MYCT1: variants seen among roughly 807,000 people sequenced by gnomAD.
MYCT1 encodes myc target protein 1.
MYCT1 carries 12 observed loss-of-function variants against 15.0 expected under a neutral mutation model. The observed-to-expected ratio is 0.80, with a 90% CI of 0.51 to 1.29. The LOEUF is 1.29. MYCT1 is among the 50% of genes most tolerant of loss of function. MYCT1 has a pLI of 0.00. For missense variants in MYCT1, 287 were observed against 279.1 expected (o/e 1.03, Z -0.20); for synonymous variants, 104 against 102.7 (o/e 1.01, Z -0.07).
At chr6:152,727,152 C>T (rs9371265), downstream of MYCT1, among the ~76,000 whole-genome samples, 2 of 149,518 alleles carry the variant, frequency 1.3e-5, no homozygotes, top group African/African-American at 2.5e-5. Flanking sequence ...CAGAGGTTGC[C>T]GTGAGCCGAG....
chr6:152,744,785 TC>T, the MYCT1 span, among the ~76,000 whole-genome samples: 1 of 152,086 alleles, frequency 6.6e-6, no homozygotes, highest in Non-Finnish European at 1.5e-5. Flanking sequence ...AGGTCAGCCT[TC>T]AAGGAAATAG....
intron 1 of MYCT1, among the ~76,000 whole-genome samples, chr6:152,712,787 T>C (rs891163410): frequency 6.6e-6 from 1 of 152,124 alleles, no homozygotes; most frequent in Non-Finnish European, 1.5e-5. Context: ...TTTAAATAAT[T>C]GTCTTTTATG....
At chr6:152,720,641 A>C (rs2099724538) in intron 1 of MYCT1, among the ~76,000 whole-genome samples, 1 of 152,210 alleles carries the variant, frequency 6.6e-6, no homozygotes, top group South Asian at 2.1e-4. Flanking sequence ...AAGCTTAAAA[A>C]ATTGAATTCA....
At chr6:152,719,979 A>C in intron 1 of MYCT1, among the ~76,000 whole-genome samples, 1 of 152,200 alleles carries the variant, frequency 6.6e-6, no homozygotes, top group African/African-American at 2.4e-5. Flanking sequence ...CAAACATAGT[A>C]GCTTAAACTA....
rs143346295 is a variant in MYCT1, at chr6:152,705,310, T to A, written c.196+7212T>A. Among the ~76,000 whole-genome samples the A allele has an allele frequency of 1.1e-3, 163 of 152,272 alleles. 5 individuals carry two copies. The East Asian group carries it at 0.029, about 27-fold the overall frequency. ...TTATTAAAAAATGTTAAATAGCTCA[T>A]GTAGTTTGTTGAACGCTATACTGAA... is the stretch of plus-strand genomic sequence containing the variant. On this transcript the variant is annotated intron_variant, in intron 1 of 1. Coordinates refer to ENST00000367245, the MANE Select transcript of MYCT1 (RefSeq NM_025107.3).
chr6:152,706,873 G>A (rs572666641), intron 1 of MYCT1, among the ~76,000 whole-genome samples: 1 of 148,248 alleles, frequency 6.7e-6, no homozygotes, highest in Non-Finnish European at 1.5e-5. Context: ...GTGTGTGTGT[G>A]TATGCATATA....
At chr6:152,706,041 G>A in intron 1 of MYCT1, 1 of 1,129,074 alleles carries the variant, frequency 8.9e-7, no homozygotes, top group South Asian at 1.2e-5. Flanking sequence ...AGAAATTGTA[G>A]TCACAAAAAT....
the MYCT1 span, among the ~76,000 whole-genome samples, chr6:152,730,450 C>T: frequency 1.3e-5 from 2 of 152,246 alleles, no homozygotes; most frequent in Admixed American, 1.3e-4. Context: ...TTTTTGCGTG[C>T]CATCCATTAT....
At chr6:152,735,421 C>G in the MYCT1 span, among the ~76,000 whole-genome samples, 133 of 150,970 alleles carry the variant, frequency 8.8e-4, no homozygotes, top group African/African-American at 3.2e-3. Context: ...CTAGTAGATA[C>G]TTTTTATTAT....
the MYCT1 span, among the ~76,000 whole-genome samples, chr6:152,735,322 A>G: frequency 6.6e-6 from 1 of 152,174 alleles, no homozygotes; most frequent in Non-Finnish European, 1.5e-5. Context: ...TAAGAAATCA[A>G]TGCATATTGG....
chr6:152,745,186 G>A, the MYCT1 span, among the ~76,000 whole-genome samples: 8 of 152,184 alleles, frequency 5.3e-5, no homozygotes, highest in Non-Finnish European at 1.0e-4. Flanking sequence ...TAGGGTCCCT[G>A]GCAGGCTCTT....
the MYCT1 span, among the ~76,000 whole-genome samples, chr6:152,738,517 T>G: frequency 4.6e-5 from 7 of 152,104 alleles, no homozygotes; most frequent in Non-Finnish European, 8.8e-5. Context: ...ATTCCTACCT[T>G]TCAAATATTG....
At chr6:152,706,931 A>T (rs112805619) in intron 1 of MYCT1, among the ~76,000 whole-genome samples, 1 of 151,532 alleles carries the variant, frequency 6.6e-6, no homozygotes, top group Admixed American at 6.6e-5. Flanking sequence ...ACTTAGGTGG[A>T]TTATGTATTT....
Position 152,722,127 on chromosome 6 carries a change from C to A in MYCT1, c.582C>A (p.Pro194=), listed in dbSNP as rs764212154. 4 of 1,614,156 alleles carry A rather than the reference C, an allele frequency of 2.5e-6. No homozygotes were observed. In the East Asian group the frequency reaches 8.9e-5, roughly 36 times the overall value. Residue 194 remains proline (P), a synonymous_variant, in exon 2 of 2, where the codon CCC becomes CCA. Transcript: ENST00000367245. The part of the protein sequence containing the change: ...LVTLPSSNIS[P]TISTSHSLSR... Reference sequence around the variant, plus strand: ...CTCTCCCTTCTTCCAATATCTCTCCCACCATCAGCACTTCCCACAGTCTGA... The same window carrying A: ...CTCTCCCTTCTTCCAATATCTCTCCAACCATCAGCACTTCCCACAGTCTGA...
chr6:152,705,275 CA>C (rs888138052), intron 1 of MYCT1, among the ~76,000 whole-genome samples: 6 of 152,150 alleles, frequency 3.9e-5, no homozygotes, highest in African/African-American at 1.4e-4. Flanking sequence ...CATCTAACAC[CA>C]AGCCTATTTT....
intron 1 of MYCT1, among the ~76,000 whole-genome samples, chr6:152,713,113 T>C (rs2758789): frequency 0.23 from 34,657 of 151,876 alleles, 4,513 homozygotes; most frequent in South Asian, 0.36. Flanking sequence ...TCTCCATTTT[T>C]CAAATTGGAT....
chr6:152,743,052 AGTT>A, the MYCT1 span, among the ~76,000 whole-genome samples: 11 of 151,864 alleles, frequency 7.2e-5, no homozygotes, highest in Admixed American at 2.6e-4. Flanking sequence ...ATTATTTTGT[AGTT>A]GTTGTTGTTG....
chr6:152,716,535 C>T (rs1288402419), intron 1 of MYCT1, among the ~76,000 whole-genome samples: 1 of 151,960 alleles, frequency 6.6e-6, no homozygotes, highest in Non-Finnish European at 1.5e-5. Flanking sequence ...ATTTTAATAC[C>T]AGTGGATGGA....
intron 1 of MYCT1, among the ~76,000 whole-genome samples, chr6:152,702,020 C>T (rs1323003544): frequency 6.6e-6 from 1 of 152,072 alleles, no homozygotes; most frequent in Non-Finnish European, 1.5e-5. Flanking sequence ...CTCAGAGCGG[C>T]TTGCCATCTT....
Sources: gnomAD v4.1 joint callset for allele counts (sites outside exome capture counted in the v4.1 genomes callset) on GRCh38, gnomAD v4.1.1 for gene constraint, MANE v1.5 for transcripts, NCBI Gene and HGNC (gene_info 2026-07-23, HGNC 2026-07-21) for gene names.